Variants in ARHGAP15 observed in about 807,000 individuals in gnomAD.
ARHGAP15 encodes Rho GTPase activating protein 15.
In ARHGAP15, 51 loss-of-function variants were observed where a neutral mutation model predicts 63.7. The ratio of observed to expected loss-of-function variants is 0.80; its 90% CI spans 0.64 to 1.01. The LOEUF (loss-of-function observed/expected upper bound fraction) is 1.01, where lower values mean the gene tolerates loss of function less well. Ranked by LOEUF, ARHGAP15 falls within the 50% of genes least tolerant of loss-of-function variation. The pLI, the probability that ARHGAP15 is intolerant of heterozygous loss-of-function variation, is 0.00. For synonymous variants in ARHGAP15, 191 were observed against 193.8 expected, an observed-to-expected ratio of 0.99 and a Z score of 0.12; for missense variants, 560 against 564.6, an observed-to-expected ratio of 0.99 and a Z score of 0.08.
chr2:143,198,885 T>C (rs372179305), intron 2 of ARHGAP15, among the ~76,000 whole-genome samples: 2 of 152,158 alleles, frequency 1.3e-5, no homozygotes, highest in East Asian at 3.9e-4. Context: ...GAATTACTTT[T>C]GTCCTAAGAA....
In ARHGAP15 at chr2:143,284,926, G is replaced by GT. The variant is rs956350418; in HGVS notation, c.474+34333dup. Among the ~76,000 whole-genome samples the GT allele has an allele frequency of 7.2e-5, 11 of 152,042 alleles. No homozygotes were observed. The South Asian group carries it at 1.0e-3, about 14-fold the overall frequency. ...ATGTCTCAAATTCTTACTTTGTTCT[G>GT]TTTTTTTGAAAGACAATGTACATTT... is the stretch of plus-strand genomic sequence containing the variant. On this transcript the variant is annotated intron_variant, in intron 6 of 13. Transcript: ENST00000295095.
chr2:143,454,339 C>T (rs11889727), intron 8 of ARHGAP15, among the ~76,000 whole-genome samples: 148,314 of 152,170 alleles, frequency 0.97, 72,403 homozygotes, highest in East Asian at 1. Flanking sequence ...TTTCAATATG[C>T]TAAGAAAACA....
rs1246145530 is a variant in ARHGAP15, at chr2:143,410,839, A to C, written c.475-24762A>C. Among the ~76,000 whole-genome samples, 4 of 148,576 alleles carry C rather than the reference A, an allele frequency of 2.7e-5. No individual in the cohort carries two copies. The South Asian group carries it at 8.5e-4, about 31-fold the overall frequency. On this transcript the variant is annotated intron_variant, in intron 6 of 13. Coordinates refer to ENST00000295095, the MANE Select transcript of ARHGAP15 (RefSeq NM_018460.4). ...TTTTTTTTTTTTTTTGAAAAAGTAT[A>C]GTTAGGTTTTGTTGATGACAGGGAT...
chr2:143,370,270 T>G (rs1238604557), intron 6 of ARHGAP15, among the ~76,000 whole-genome samples: 1 of 152,116 alleles, frequency 6.6e-6, no homozygotes, highest in African/African-American at 2.4e-5. Context: ...CTTAAGATCC[T>G]TGGCATGTCT....
intron 12 of ARHGAP15, among the ~76,000 whole-genome samples, chr2:143,668,280 CTT>C (rs60232406): frequency 1.3e-4 from 19 of 145,682 alleles, no homozygotes; most frequent in African/African-American, 1.5e-4. Context: ...ATTCTATTTT[CTT>C]TTTTTTTTTT....
intron 6 of ARHGAP15, among the ~76,000 whole-genome samples, chr2:143,356,485 C>G (rs536853724): frequency 6.6e-6 from 1 of 152,066 alleles, no homozygotes; most frequent in Non-Finnish European, 1.5e-5. Context: ...AAAAATAGTG[C>G]GAAACACTCC....
chr2:143,376,049 C>T (rs1037749998), intron 6 of ARHGAP15, among the ~76,000 whole-genome samples: 2 of 152,146 alleles, frequency 1.3e-5, no homozygotes, highest in African/African-American at 4.8e-5. Flanking sequence ...CTTCAACTTC[C>T]GCGTTTCCCA....
chr2:143,768,013 C>A lies in ARHGAP15; in HGVS notation c.1269C>A (p.Asn423Lys), dbSNP rs769554369. 8.1e-6 allele frequency: 13 copies of A among 1,613,564 alleles called. No individual in the cohort carries two copies. Among genetic ancestry groups the A allele is most frequent in the Non-Finnish European group, 1.1e-5 (13 of 1,179,690 alleles). The change falls in exon 14 of 14, where the codon AAC becomes AAA. Residue 423 changes from asparagine to lysine, a missense_variant. Asn to Lys is a moderately conservative substitution (Grantham distance 94). Coordinates refer to ENST00000295095, the MANE Select transcript of ARHGAP15 (RefSeq NM_018460.4). The part of the protein sequence containing the change: ...LTKIVAKASK[N>K]LMSTQSLGIV... ...GGATAGTGGCCAAAGCCTCCAAGAACCTCATGTCCACGCAAAGCTTGGGGA... is the reference window on the plus strand; with the variant it reads ...GGATAGTGGCCAAAGCCTCCAAGAAACTCATGTCCACGCAAAGCTTGGGGA...
At chr2:143,497,999 A>C (rs573851022) in intron 9 of ARHGAP15, among the ~76,000 whole-genome samples, 69 of 152,308 alleles carry the variant, frequency 4.5e-4, no homozygotes, top group African/African-American at 1.5e-3. Flanking sequence ...GACTGCTACG[A>C]GCAAAGGAAA....
chr2:143,521,968 C>G (rs1190147506), intron 10 of ARHGAP15: 1 of 152,258 alleles, frequency 6.6e-6, no homozygotes, highest in Middle Eastern at 3.4e-3. Context: ...ATTTGTCTTA[C>G]CTGTTTGTAA....
At chr2:143,521,508 C>A (rs1227275796) in intron 10 of ARHGAP15, among the ~76,000 whole-genome samples, 1 of 152,130 alleles carries the variant, frequency 6.6e-6, no homozygotes, top group Admixed American at 6.6e-5. Context: ...CTTCTGATGA[C>A]ATTTTATGCT....
At chr2:143,549,668 A>C (rs1413868101) in intron 10 of ARHGAP15, among the ~76,000 whole-genome samples, 1 of 152,216 alleles carries the variant, frequency 6.6e-6, no homozygotes, top group Non-Finnish European at 1.5e-5. Flanking sequence ...AATTTCTGTA[A>C]GGACGGAAAA....
chr2:143,681,518 T>A (rs1186217501), intron 12 of ARHGAP15, among the ~76,000 whole-genome samples: 1 of 152,176 alleles, frequency 6.6e-6, no homozygotes, highest in East Asian at 1.9e-4. Flanking sequence ...TGCTTCTGTT[T>A]TATTAAAAAT....
chr2:143,448,674 A>T (rs1185609733), intron 8 of ARHGAP15, among the ~76,000 whole-genome samples: 1 of 151,920 alleles, frequency 6.6e-6, no homozygotes, highest in Admixed American at 6.6e-5. Flanking sequence ...CCAAGGAGCT[A>T]AGCAGAATCT....
chr2:143,644,234 T>C (rs960413194), intron 12 of ARHGAP15, among the ~76,000 whole-genome samples: 2 of 152,012 alleles, frequency 1.3e-5, no homozygotes, highest in East Asian at 1.9e-4. Context: ...CTAATGGTAA[T>C]AGACTGGGGG....
intron 6 of ARHGAP15, among the ~76,000 whole-genome samples, chr2:143,268,777 G>A (rs1681124679): frequency 6.6e-6 from 1 of 152,090 alleles, no homozygotes; most frequent in Non-Finnish European, 1.5e-5. Flanking sequence ...GTTAAAGAAT[G>A]TAGAAAATAT....
intron 6 of ARHGAP15, among the ~76,000 whole-genome samples, chr2:143,412,446 A>C (rs1204966221): frequency 6.6e-6 from 1 of 152,202 alleles, no homozygotes; most frequent in African/African-American, 2.4e-5. Flanking sequence ...TATCAAAGTG[A>C]AATATTTATC....
chr2:143,723,449 G>A (rs1365984598), intron 13 of ARHGAP15, among the ~76,000 whole-genome samples: 1 of 152,152 alleles, frequency 6.6e-6, no homozygotes, highest in Non-Finnish European at 1.5e-5. Context: ...GGAGCTCATT[G>A]GGAAGAGAGG....
chr2:143,273,194 C>T (rs1397873910), intron 6 of ARHGAP15, among the ~76,000 whole-genome samples: 3 of 152,080 alleles, frequency 2.0e-5, no homozygotes, highest in East Asian at 1.9e-4. Context: ...AATATTGCTA[C>T]ACTAATATCC....
Sources: allele counts gnomAD v4.1 joint callset (sites outside exome capture counted in the v4.1 genomes callset), GRCh38; gene constraint gnomAD v4.1.1; transcripts MANE v1.5; gene names NCBI Gene and HGNC (gene_info 2026-07-23, HGNC 2026-07-21).